The following RAB3B variants were observed in gnomAD, a reference collection of about 807,000 sequenced individuals.
RAB3B encodes the protein RAB3B, member RAS oncogene family.
Under a neutral mutation model 20.5 loss-of-function variants are expected in RAB3B, and 11 were observed. The ratio of observed to expected loss-of-function variants is 0.54; its 90% CI spans 0.34 to 0.89. The LOEUF is 0.89. RAB3B is among the 40% of genes least tolerant of loss of function. The pLI, the probability that RAB3B is intolerant of heterozygous loss-of-function variation, is 0.02. For synonymous variants in RAB3B, 99 were observed against 106.3 expected, an observed-to-expected ratio of 0.93 and a Z score of 0.42; for missense variants, 225 against 280.9, an observed-to-expected ratio of 0.80 and a Z score of 1.42.
At chr1:51,986,275 C>T (rs961531545) in intron 1 of RAB3B, among the ~76,000 whole-genome samples, 3 of 151,762 alleles carry the variant, frequency 2.0e-5, no homozygotes, top group African/African-American at 4.8e-5. Flanking sequence ...CTCAGCCTCC[C>T]GAGTAGCTGG....
intron 2 of RAB3B, among the ~76,000 whole-genome samples, chr1:51,975,390 T>C (rs1684994580): frequency 6.6e-6 from 1 of 152,194 alleles, no homozygotes; most frequent in African/African-American, 2.4e-5. Flanking sequence ...CTAATAATAA[T>C]AGTAGCTGTG....
chr1:51,958,724 CAA>C (rs11379171), intron 2 of RAB3B, among the ~76,000 whole-genome samples: 4 of 121,770 alleles, frequency 3.3e-5, no homozygotes, highest in Non-Finnish European at 1.7e-5. Context: ...AACTCAGTCT[CAA>C]AAAAAAAAAA....
chr1:51,927,125 C>G (rs1449392783), intron 4 of RAB3B, among the ~76,000 whole-genome samples: 1 of 152,124 alleles, frequency 6.6e-6, no homozygotes, highest in Non-Finnish European at 1.5e-5. Context: ...CTCAATGACA[C>G]AAGGTTCCTT....
At chr1:51,986,432 G>A (rs1685152966) in intron 1 of RAB3B, among the ~76,000 whole-genome samples, 2 of 151,510 alleles carry the variant, frequency 1.3e-5, no homozygotes, top group South Asian at 4.3e-4. Context: ...TTACAGGCGT[G>A]AGCCACCGCG....
chr1:51,989,484 C>T (rs1305344169), intron 1 of RAB3B, among the ~76,000 whole-genome samples: 1 of 151,882 alleles, frequency 6.6e-6, no homozygotes, highest in Non-Finnish European at 1.5e-5. Flanking sequence ...ACCGCTAGTG[C>T]GTGGACACCA....
chr1:51,974,984 C>G (rs781711854), intron 2 of RAB3B, among the ~76,000 whole-genome samples: 1 of 152,174 alleles, frequency 6.6e-6, no homozygotes, highest in Non-Finnish European at 1.5e-5. Flanking sequence ...GAAACCAACA[C>G]GGGTGGATCA....
At chr1:51,978,006 C>T (rs988589181) in intron 1 of RAB3B, among the ~76,000 whole-genome samples, 2 of 152,130 alleles carry the variant, frequency 1.3e-5, no homozygotes, top group Non-Finnish European at 2.9e-5. Context: ...CCACATTATT[C>T]CTTGCCTTTG....
chr1:51,960,212 A>T (rs1684767195), intron 2 of RAB3B, among the ~76,000 whole-genome samples: 1 of 152,260 alleles, frequency 6.6e-6, no homozygotes, highest in Admixed American at 6.5e-5. Context: ...AACAGAACTG[A>T]CCAGGGGATG....
chr1:51,929,666 C>A (rs1225690408), intron 4 of RAB3B, among the ~76,000 whole-genome samples: 1 of 152,112 alleles, frequency 6.6e-6, no homozygotes, highest in African/African-American at 2.4e-5. Flanking sequence ...TTATCACTTG[C>A]AATAACAAGA....
At chr1:51,976,428 G>A (rs1445095150) in intron 2 of RAB3B, among the ~76,000 whole-genome samples, 1 of 152,152 alleles carries the variant, frequency 6.6e-6, no homozygotes, top group Non-Finnish European at 1.5e-5. Context: ...GTAGATAACT[G>A]ATACCTTAGC....
At chr1:51,939,394 G>T (rs1406035591) in intron 2 of RAB3B, among the ~76,000 whole-genome samples, 1 of 151,858 alleles carries the variant, frequency 6.6e-6, no homozygotes. Context: ...CATAAAGCTG[G>T]TGACAAAAAG....
intron 1 of RAB3B, among the ~76,000 whole-genome samples, chr1:51,983,556 T>A (rs1404149291): frequency 6.6e-6 from 1 of 152,176 alleles, no homozygotes; most frequent in Admixed American, 6.5e-5. Context: ...TTCATACAAC[T>A]ATGAAATCGG....
intron 2 of RAB3B, among the ~76,000 whole-genome samples, chr1:51,942,827 C>T (rs973236317): frequency 6.6e-6 from 1 of 152,142 alleles, no homozygotes; most frequent in Non-Finnish European, 1.5e-5. Flanking sequence ...CTTCATGTCT[C>T]TGTGTCACAT....
chr1:51,943,957 G>A (rs1684529329), intron 2 of RAB3B, among the ~76,000 whole-genome samples: 1 of 152,194 alleles, frequency 6.6e-6, no homozygotes, highest in Admixed American at 6.5e-5. Flanking sequence ...CATTGATTAG[G>A]GTGGCTACAT....
At chr1:51,942,388 G>C (rs2124263831) in intron 2 of RAB3B, among the ~76,000 whole-genome samples, 1 of 152,344 alleles carries the variant, frequency 6.6e-6, no homozygotes, top group Non-Finnish European at 1.5e-5. Flanking sequence ...TGGACATGGA[G>C]TCAGTTTTAT....
intron 2 of RAB3B, among the ~76,000 whole-genome samples, chr1:51,965,261 G>A (rs1436929304): frequency 6.6e-6 from 1 of 151,750 alleles, no homozygotes; most frequent in African/African-American, 2.4e-5. Context: ...AAAGAAAGAT[G>A]TAAGTCACTA....
rs572115253 is a variant in RAB3B, at chr1:51,958,503, C to A, written c.228+18387G>T. Among the ~76,000 whole-genome samples the A allele has an allele frequency of 2.2e-3, 338 of 152,252 alleles. 2 individuals are homozygous for A. Among genetic ancestry groups the A allele is most frequent in the Middle Eastern group, 6.8e-3 (2 of 294 alleles). On this transcript the variant is annotated intron_variant, in intron 2 of 4. Transcript: ENST00000371655. ...CTTTGGGAGGCCGAGGTGGGCAGAT[C>A]ACCTGAGGTCAGGAGTTCGAGACCA...
chr1:51,949,561 G>A (rs990796780), intron 2 of RAB3B, among the ~76,000 whole-genome samples: 3 of 152,234 alleles, frequency 2.0e-5, no homozygotes, highest in African/African-American at 7.2e-5. Flanking sequence ...GTGCTGACAT[G>A]AGAGCAGGCT....
chr1:51,954,557 G>C (rs1185579582), intron 2 of RAB3B, among the ~76,000 whole-genome samples: 2 of 152,208 alleles, frequency 1.3e-5, no homozygotes, highest in African/African-American at 2.4e-5. Flanking sequence ...AGGAAGTATA[G>C]GAAAAGCATG....
Sources: gnomAD v4.1 joint callset for allele counts (sites outside exome capture counted in the v4.1 genomes callset) on GRCh38, gnomAD v4.1.1 for gene constraint, MANE v1.5 for transcripts, NCBI Gene and HGNC (gene_info 2026-07-23, HGNC 2026-07-21) for gene names.